The following MAPRE2 variants were observed in gnomAD, a reference collection of about 807,000 sequenced individuals.
The protein encoded by MAPRE2 is microtubule associated protein RP/EB family member 2.
MAPRE2 carries 13 observed loss-of-function variants against 43.2 expected under a neutral mutation model. The ratio of observed to expected loss-of-function variants is 0.30; its 90% confidence interval spans 0.20 to 0.48. MAPRE2 has a LOEUF of 0.48. Ranked by LOEUF, MAPRE2 falls within the 20% of genes least tolerant of loss-of-function variation. MAPRE2 has a pLI of 0.99. For synonymous variants in MAPRE2, 135 were observed against 148.8 expected (o/e 0.91, Z 0.68); for missense variants, 161 against 400.2 (o/e 0.40, Z 5.10).
chr18:35,024,438 A>G (rs2097043875), intron 2 of MAPRE2, among the ~76,000 whole-genome samples: 1 of 152,238 alleles, frequency 6.6e-6, no homozygotes, highest in Non-Finnish European at 1.5e-5. Flanking sequence ...TTTTGACTAT[A>G]AATGCTGTTT....
chr18:35,120,651 T>C (rs1369120039), intron 4 of MAPRE2, among the ~76,000 whole-genome samples: 1 of 152,196 alleles, frequency 6.6e-6, no homozygotes, highest in African/African-American at 2.4e-5. Flanking sequence ...GTTCAGTTAC[T>C]GAGGAAGTCC....
chr18:35,070,125 CT>C, intron 1 of MAPRE2, 69 bp from the exon 2 acceptor site: 5 of 1,420,412 alleles, frequency 3.5e-6, no homozygotes, highest in Non-Finnish European at 4.8e-6. Context: ...GGATCTTGAC[CT>C]CGAATAGGTA....
chr18:35,068,018 A>G (rs942021348), intron 1 of MAPRE2, among the ~76,000 whole-genome samples: 6 of 152,170 alleles, frequency 3.9e-5, no homozygotes, highest in African/African-American at 1.4e-4. Context: ...TTACGAGAAG[A>G]CAATTTAGAG....
intron 2 of MAPRE2, among the ~76,000 whole-genome samples, chr18:35,076,988 C>T (rs1187538725): frequency 6.6e-6 from 1 of 151,904 alleles, no homozygotes; most frequent in Non-Finnish European, 1.5e-5. Context: ...TGGTTAGTGA[C>T]GAACACCATA....
At chr18:35,028,074 A>G (rs2097046178) in intron 2 of MAPRE2, among the ~76,000 whole-genome samples, 1 of 152,228 alleles carries the variant, frequency 6.6e-6, no homozygotes, top group African/African-American at 2.4e-5. Context: ...CTGACCTTTA[A>G]GAGACAAAGG....
chr18:35,006,483 A>G lies in MAPRE2; in HGVS notation c.-8+930A>G, dbSNP rs539887149. Reference sequence around the variant, plus strand: ...TAAAAGCTCAAATCATGAATAATATACCATATTTGTTTTGGGGCCTCATTG... The same window carrying G: ...TAAAAGCTCAAATCATGAATAATATGCCATATTTGTTTTGGGGCCTCATTG... On this transcript the variant is annotated intron_variant, in intron 2 of 7. Transcript: ENST00000413393. 1.7e-3 allele frequency among the ~76,000 whole-genome samples: 259 copies of G among 152,340 alleles called. 5 individuals carry two copies. Among genetic ancestry groups the G allele is most frequent in the African/African-American group, 5.6e-3 (231 of 41,576 alleles).
At chr18:35,028,529 A>C (rs1568976267) in intron 2 of MAPRE2, among the ~76,000 whole-genome samples, 1 of 152,154 alleles carries the variant, frequency 6.6e-6, no homozygotes, top group Admixed American at 6.5e-5. Flanking sequence ...CCCCAAACAC[A>C]TACACATTAC....
intron 6 of MAPRE2, among the ~76,000 whole-genome samples, chr18:35,134,364 A>G (rs1910293783): frequency 6.6e-6 from 1 of 152,258 alleles, no homozygotes; most frequent in Non-Finnish European, 1.5e-5. Flanking sequence ...AGCATTTAGC[A>G]TGTGCTAGGG....
chr18:34,992,891 T>C (rs1334731069), intron 1 of MAPRE2, among the ~76,000 whole-genome samples: 1 of 152,018 alleles, frequency 6.6e-6, no homozygotes. Context: ...GTGCATGTGG[T>C]TTTTAGTGTT....
intron 2 of MAPRE2, among the ~76,000 whole-genome samples, chr18:35,006,242 G>A (rs2097031809): frequency 6.6e-6 from 1 of 152,134 alleles, no homozygotes; most frequent in South Asian, 2.1e-4. Context: ...ACACAGAATA[G>A]TCTCACAAAG....
At chr18:35,061,595 A>G (rs1906532956) in intron 1 of MAPRE2, among the ~76,000 whole-genome samples, 1 of 152,184 alleles carries the variant, frequency 6.6e-6, no homozygotes, top group Non-Finnish European at 1.5e-5. Flanking sequence ...ACAGCAGCTT[A>G]TGTGTGCTAT....
intron 1 of MAPRE2, among the ~76,000 whole-genome samples, chr18:35,003,839 A>G (rs552091512): frequency 1.3e-5 from 2 of 152,280 alleles, no homozygotes; most frequent in East Asian, 3.8e-4. Flanking sequence ...ATCTGAATTT[A>G]GGTTTATCAA....
intron 1 of MAPRE2, among the ~76,000 whole-genome samples, chr18:34,985,521 T>C (rs1276902490): frequency 4.9e-5 from 3 of 61,732 alleles, no homozygotes; most frequent in Admixed American, 3.0e-4. Flanking sequence ...ATATATATTA[T>C]ATATTATAAA....
chr18:35,088,546 G>A (rs927351316), intron 2 of MAPRE2, among the ~76,000 whole-genome samples: 7 of 152,282 alleles, frequency 4.6e-5, no homozygotes, highest in East Asian at 1.9e-4. Context: ...AAGGGTAACC[G>A]TGGCATAATG....
intron 1 of MAPRE2, among the ~76,000 whole-genome samples, chr18:34,980,375 A>G (rs1327170334): frequency 2.0e-5 from 3 of 152,068 alleles, no homozygotes; most frequent in African/African-American, 4.8e-5. Flanking sequence ...CAAGCACTCA[A>G]TATTTTTGGC....
At position 35,009,401 on chromosome 18, in the gene MAPRE2, T is replaced by A. The variant is rs185933093; in HGVS notation, c.-8+3848T>A. 3.1e-3 allele frequency among the ~76,000 whole-genome samples: 471 copies of A among 152,272 alleles called. 1 individual carries two copies. The highest frequency in any genetic ancestry group is 5.4e-3 in the Non-Finnish European group (364 of 68,020). ...ATCTAATAGTGTAAAGAATATTTTT[T>A]AAAAAATCATTATAAGGGTGATAAG... On this transcript the variant is annotated intron_variant, in intron 2 of 7. Coordinates refer to the MAPRE2 transcript ENST00000413393.
rs1159712726 is a variant in MAPRE2, at chr18:35,034,890, A to G, written c.-8+29337A>G. Among the ~76,000 whole-genome samples, 6 of 152,238 alleles carry G rather than the reference A, an allele frequency of 3.9e-5. No homozygotes were observed. In the East Asian group the frequency reaches 1.2e-3, roughly 29 times the overall value. ...GGTGCTGGAGAGGATGTGGAGAAAT[A>G]GGAACACTTTTACCCTGTTGGTGGG... On this transcript the variant is annotated intron_variant, in intron 2 of 7. Coordinates refer to the MAPRE2 transcript ENST00000413393.
intron 3 of MAPRE2, among the ~76,000 whole-genome samples, chr18:35,101,524 A>G (rs1908679128): frequency 6.6e-6 from 1 of 152,090 alleles, no homozygotes; most frequent in Admixed American, 6.5e-5. Context: ...TTTGTACCCA[A>G]TCACCATCCC....
rs1905361074 is a variant in MAPRE2 at position 35,041,468 on chromosome 18, A to G, written c.-72A>G. ...ACGGTCCGTGCGGAGCAGGCGAGCG[A>G]GCGGGAAGACGCAGCCACCTTCCTC... is the stretch of plus-strand genomic sequence containing the variant. On this transcript the variant is annotated 5_prime_UTR_variant, in exon 1 of 7. Transcript: ENST00000300249. 1.2e-6 allele frequency: 2 copies of G among 1,611,008 alleles called. No individual in the cohort carries two copies. Among genetic ancestry groups the G allele is most frequent in the African/African-American group, 2.7e-5 (2 of 74,884 alleles).
Sources: gnomAD v4.1 joint callset for allele counts (sites outside exome capture counted in the v4.1 genomes callset) on GRCh38, gnomAD v4.1.1 for gene constraint, MANE v1.5 for transcripts, NCBI Gene and HGNC (gene_info 2026-07-23, HGNC 2026-07-21) for gene names.